Variants in CHSY1 observed in about 807,000 individuals in gnomAD.
The protein encoded by CHSY1 is N-acetylgalactosaminyl-proteoglycan 3-beta-glucuronosyltransferase 1.
CHSY1 carries 13 observed loss-of-function variants against 59.8 expected under a neutral mutation model. The observed-to-expected ratio is 0.22, with a 90% CI of 0.14 to 0.35. The LOEUF (loss-of-function observed/expected upper bound fraction) is 0.35. CHSY1 is among the 10% of genes least tolerant of loss of function. The pLI, the probability that CHSY1 is intolerant of heterozygous loss-of-function variation, is 1.00. For missense variants in CHSY1, 947 were observed against 1,030.6 expected, an observed-to-expected ratio of 0.92 and a Z score of 1.11; for synonymous variants, 459 against 401.2, an observed-to-expected ratio of 1.14 and a Z score of -1.72.
intron 2 of CHSY1, among the ~76,000 whole-genome samples, chr15:101,217,250 A>G (rs1270487482): frequency 6.6e-6 from 1 of 152,236 alleles, no homozygotes; most frequent in African/African-American, 2.4e-5. Flanking sequence ...AGAACGATCC[A>G]CATGGTAATA....
intron 2 of CHSY1, among the ~76,000 whole-genome samples, chr15:101,182,293 T>C (rs142813769): frequency 6.6e-6 from 1 of 152,330 alleles, no homozygotes; most frequent in African/African-American, 2.4e-5. Context: ...GAGATCGCTT[T>C]TGACTGCAAT....
chr15:101,236,290 C>T (rs1013963042), intron 1 of CHSY1, among the ~76,000 whole-genome samples: 1 of 152,184 alleles, frequency 6.6e-6, no homozygotes, highest in Admixed American at 6.5e-5. Context: ...ATAGCTCCCA[C>T]AGTTCCCACA....
At chr15:101,231,421 G>A (rs950760135) in intron 2 of CHSY1, among the ~76,000 whole-genome samples, 2 of 152,198 alleles carry the variant, frequency 1.3e-5, no homozygotes, top group East Asian at 1.9e-4. Flanking sequence ...AATTCACAGC[G>A]GAAGCCCAGG....
At chr15:101,207,962 G>T (rs1469648340) in intron 2 of CHSY1, among the ~76,000 whole-genome samples, 2 of 152,202 alleles carry the variant, frequency 1.3e-5, no homozygotes, top group Non-Finnish European at 2.9e-5. Context: ...CCCTTGAGTT[G>T]AGTCACATAG....
chr15:101,175,930 A>G lies in CHSY1; in HGVS notation c.*1458T>C. On this transcript the variant is annotated 3_prime_UTR_variant, in exon 3 of 3. Coordinates refer to ENST00000254190, the MANE Select transcript of CHSY1 (RefSeq NM_014918.5). ...AAGTCTATCACTGTTTGAAATCTAA[A>G]TGAAAACAAATTTATTAAGGCACAT... is the stretch of plus-strand genomic sequence containing the variant. 4.7e-6 allele frequency: 1 copy of G among 214,700 alleles called. No homozygotes were observed. Among genetic ancestry groups the G allele is most frequent in the Non-Finnish European group, 9.1e-6 (1 of 109,858 alleles). 13.3% of individuals were successfully genotyped at this position (214,700 alleles called of 1,614,324 possible).
intron 1 of CHSY1, among the ~76,000 whole-genome samples, chr15:101,249,168 G>A (rs977016928): frequency 5.3e-5 from 8 of 151,748 alleles, no homozygotes; most frequent in East Asian, 1.9e-4. Context: ...TATTGATACC[G>A]TAACCATGAA....
rs143704061 is a variant in CHSY1 at position 101,240,161 on chromosome 15, G to C, written c.321-4584C>G. Among the ~76,000 whole-genome samples, 4 of 152,298 alleles carry C rather than the reference G, an allele frequency of 2.6e-5. No individual in the cohort carries two copies. The East Asian group carries it at 7.7e-4, about 29-fold the overall frequency. On this transcript the variant is annotated intron_variant, in intron 1 of 2. Coordinates refer to ENST00000254190, the MANE Select transcript of CHSY1 (RefSeq NM_014918.5). ...TTTGAGGGAAATCTCTCAATGTCAA[G>C]TCTTTGTAAACCCTCCAATCTTAAG...
At chr15:101,213,098 G>T (rs1250212117) in intron 2 of CHSY1, among the ~76,000 whole-genome samples, 1 of 152,152 alleles carries the variant, frequency 6.6e-6, no homozygotes, top group Non-Finnish European at 1.5e-5. Flanking sequence ...CCGAAAAGAG[G>T]AAGAAATCCA....
intron 2 of CHSY1, among the ~76,000 whole-genome samples, chr15:101,214,328 G>A (rs532928138): frequency 6.6e-6 from 1 of 152,170 alleles, no homozygotes; most frequent in African/African-American, 2.4e-5. Flanking sequence ...ACCAGGGCCT[G>A]TGTAAGATGC....
chr15:101,176,678 C>A lies in CHSY1; in HGVS notation c.*710G>T. ...GGGCGTGGTGGTGTGTGCCTGTAAT[C>A]CCAGCTACTCGGGAGGCAAAGGCAG... On this transcript the variant is annotated 3_prime_UTR_variant, in exon 3 of 3. Transcript: ENST00000254190. The A allele has an allele frequency of 3.2e-6, 1 of 311,640 alleles. No individual in the cohort carries two copies. The highest frequency in any genetic ancestry group is 5.8e-6 in the Non-Finnish European group (1 of 172,492). The allele number at this position is 311,640 out of a possible 1,614,324, so 19.3% of individuals were successfully genotyped here.
chr15:101,182,872 A>C (rs2038299182), intron 2 of CHSY1, among the ~76,000 whole-genome samples: 1 of 152,254 alleles, frequency 6.6e-6, no homozygotes, highest in Admixed American at 6.5e-5. Context: ...TCATCAGGGC[A>C]GCTGAAAAAG....
rs556811633 is a variant in CHSY1, at chr15:101,178,026, G to A, written c.1771C>T (p.Arg591Cys). ...AKQVELMRDYRIKYPKADMQI... is the reference protein window; with the variant it reads ...AKQVELMRDYCIKYPKADMQI... Reference sequence around the variant, plus strand: ...ATGTCGGCTTTAGGGTACTTAATGCGGTAATCTCTCATCAGTTCAACTTGT... The same window carrying A: ...ATGTCGGCTTTAGGGTACTTAATGCAGTAATCTCTCATCAGTTCAACTTGT... Residue 591 changes from arginine (R) to cysteine (C), a missense_variant, in exon 3 of 3, where the codon CGC becomes TGC. Around this residue, in one of 4 missense-constraint regions of CHSY1, gnomAD observed 602 missense variants for 676.9 expected, o/e 0.89. Transcript: ENST00000254190. 1.1e-5 allele frequency: 17 copies of A among 1,614,038 alleles called. No homozygotes were observed. Among genetic ancestry groups the A allele is most frequent in the Non-Finnish European group, 1.4e-5 (17 of 1,180,046 alleles).
intron 2 of CHSY1, among the ~76,000 whole-genome samples, chr15:101,205,922 A>C (rs1055218085): frequency 1.3e-5 from 2 of 152,052 alleles, no homozygotes; most frequent in East Asian, 3.8e-4. Flanking sequence ...ACTACACTCC[A>C]GCCTGGGCGA....
chr15:101,221,119 G>A (rs2038783964), intron 2 of CHSY1, among the ~76,000 whole-genome samples: 1 of 152,200 alleles, frequency 6.6e-6, no homozygotes, highest in African/African-American at 2.4e-5. Flanking sequence ...GAGAATAGGA[G>A]CTTTGCTGTG....
chr15:101,196,780 T>G (rs1004398518), intron 2 of CHSY1, among the ~76,000 whole-genome samples: 1 of 152,200 alleles, frequency 6.6e-6, no homozygotes. Context: ...TCCCAGCACT[T>G]TGGGAGGTCA....
chr15:101,197,693 C>G (rs1237853768), intron 2 of CHSY1, among the ~76,000 whole-genome samples: 3 of 152,180 alleles, frequency 2.0e-5, no homozygotes, highest in Middle Eastern at 3.4e-3. Flanking sequence ...AATTACTATA[C>G]AGCAAAACCA....
chr15:101,188,269 G>T (rs754801611), intron 2 of CHSY1: 1 of 795,542 alleles, frequency 1.3e-6, no homozygotes, highest in Non-Finnish European at 1.5e-6. Context: ...TCAAGAGACC[G>T]TAACTGCTGG....
At chr15:101,205,363 C>G (rs991208384) in intron 2 of CHSY1, among the ~76,000 whole-genome samples, 1 of 152,164 alleles carries the variant, frequency 6.6e-6, no homozygotes, top group South Asian at 2.1e-4. Context: ...CTAGAACCAG[C>G]ATACTCTTCA....
chr15:101,183,641 C>A (rs1266921357), intron 2 of CHSY1, among the ~76,000 whole-genome samples: 1 of 152,188 alleles, frequency 6.6e-6, no homozygotes, highest in East Asian at 1.9e-4. Context: ...ATCCAGGAAA[C>A]AAGACGCATG....
Sources: allele counts gnomAD v4.1 joint callset (sites outside exome capture counted in the v4.1 genomes callset), GRCh38; gene constraint gnomAD v4.1.1; regional missense constraint gnomAD v4.1.1; transcripts MANE v1.5; gene names NCBI Gene and HGNC (gene_info 2026-07-23, HGNC 2026-07-21).